The following DCC variants were observed in gnomAD, a reference collection of about 807,000 sequenced individuals.
DCC encodes DCC netrin 1 receptor.
Under a neutral mutation model 172.5 loss-of-function variants are expected in DCC, and 58 were observed. The observed-to-expected ratio is 0.34, with a 90% CI of 0.27 to 0.42. The LOEUF (loss-of-function observed/expected upper bound fraction) is 0.42. Among genes scored for constraint, DCC ranks in the 10% least tolerant of loss-of-function variants. DCC has a pLI of 1.00. For synonymous variants in DCC, 709 were observed against 644.5 expected (o/e 1.10, Z -1.52); for missense variants, 1,740 against 1,791.0 (o/e 0.97, Z 0.51).
intron 1 of DCC, among the ~76,000 whole-genome samples, chr18:52,504,299 A>G (rs1598871340): frequency 6.6e-6 from 1 of 152,272 alleles, no homozygotes; most frequent in South Asian, 2.1e-4. Flanking sequence ...GGAGGCCTTG[A>G]GTCTGGCAGT....
chr18:52,681,256 A>AT (rs1033523335), intron 1 of DCC, among the ~76,000 whole-genome samples: 25 of 151,884 alleles, frequency 1.6e-4, no homozygotes, highest in African/African-American at 4.4e-4. Context: ...CTCCAAAGCC[A>AT]TTTTTTTCTC....
At chr18:53,068,259 C>G (rs1220005815) in intron 7 of DCC, among the ~76,000 whole-genome samples, 1 of 151,734 alleles carries the variant, frequency 6.6e-6, no homozygotes, top group Non-Finnish European at 1.5e-5. Flanking sequence ...CACTTTTTTT[C>G]TTTTAATTTT....
intron 1 of DCC, among the ~76,000 whole-genome samples, chr18:52,601,198 A>G (rs756272865): frequency 1.5e-4 from 23 of 152,090 alleles, no homozygotes; most frequent in Non-Finnish European, 1.9e-4. Context: ...CTATAAATTC[A>G]GAGAGTTAAT....
intron 1 of DCC, among the ~76,000 whole-genome samples, chr18:52,740,215 C>A (rs2036797809): frequency 6.6e-6 from 1 of 152,180 alleles, no homozygotes; most frequent in Admixed American, 6.5e-5. Context: ...CCCCATGGAA[C>A]TTAAGTCACC....
chr18:52,989,326 C>T (rs2041345196), intron 5 of DCC, among the ~76,000 whole-genome samples: 1 of 152,050 alleles, frequency 6.6e-6, no homozygotes, highest in African/African-American at 2.4e-5. Context: ...AGTTCAAGAC[C>T]AGTCTGGTCA....
chr18:52,451,657 C>T (rs1298593357), intron 1 of DCC, among the ~76,000 whole-genome samples: 1 of 151,938 alleles, frequency 6.6e-6, no homozygotes, highest in Non-Finnish European at 1.5e-5. Flanking sequence ...AAAATACATC[C>T]TAAGAGAAGT....
At chr18:53,416,209 A>T (rs1910303017) in intron 21 of DCC, 53 bp downstream of exon 21, 3 of 1,267,476 alleles carry the variant, frequency 2.4e-6, no homozygotes, top group Non-Finnish European at 3.5e-6. Context: ...CCTGTCTGTT[A>T]GACATGTCAG....
intron 1 of DCC, among the ~76,000 whole-genome samples, chr18:52,680,738 C>T (rs2035734892): frequency 6.6e-6 from 1 of 151,848 alleles, no homozygotes; most frequent in Non-Finnish European, 1.5e-5. Context: ...GCCTTCCCTG[C>T]CTTCATAATA....
chr18:53,075,839 C>G (rs12966709), intron 7 of DCC, among the ~76,000 whole-genome samples: 2,711 of 152,066 alleles, frequency 0.018, 43 homozygotes, highest in Middle Eastern at 0.037. Flanking sequence ...GAACTGTAAC[C>G]CCCACCAGTG....
At chr18:52,797,788 T>C (rs1481489891) in intron 2 of DCC, among the ~76,000 whole-genome samples, 2 of 152,200 alleles carry the variant, frequency 1.3e-5, no homozygotes, top group South Asian at 2.1e-4. Context: ...CCCAGTGGTA[T>C]ATGTAGCTGC....
At chr18:52,482,449 A>T (rs59362270) in intron 1 of DCC, among the ~76,000 whole-genome samples, 9,333 of 152,216 alleles carry the variant, frequency 0.061, 353 homozygotes, top group East Asian at 0.084. Flanking sequence ...AACAACGAAC[A>T]TGTACTTCTC....
At chr18:52,692,881 T>C (rs1165136959) in intron 1 of DCC, among the ~76,000 whole-genome samples, 1 of 152,074 alleles carries the variant, frequency 6.6e-6, no homozygotes, top group East Asian at 1.9e-4. Context: ...TTATAAAAAA[T>C]GAGAGGCAAG....
At chr18:52,882,222 T>C (rs4939711) in intron 2 of DCC, among the ~76,000 whole-genome samples, 146,054 of 151,948 alleles carry the variant, frequency 0.96, 70,342 homozygotes, top group East Asian at 1. Context: ...AATATAAGAT[T>C]ATTTCATCTA....
At chr18:52,865,855 ACT>A (rs1568155235) in intron 2 of DCC, among the ~76,000 whole-genome samples, 1 of 152,070 alleles carries the variant, frequency 6.6e-6, no homozygotes, top group Non-Finnish European at 1.5e-5. Context: ...TACCCTGTTC[ACT>A]CTGATGAGAG....
At chr18:52,887,576 C>T (rs548441640) in intron 2 of DCC, among the ~76,000 whole-genome samples, 9 of 152,172 alleles carry the variant, frequency 5.9e-5, no homozygotes, top group East Asian at 5.8e-4. Flanking sequence ...TATTCATTAA[C>T]GAATGTTTTA....
chr18:52,517,706 G>T (rs918619702), intron 1 of DCC, among the ~76,000 whole-genome samples: 1 of 152,182 alleles, frequency 6.6e-6, no homozygotes, highest in African/African-American at 2.4e-5. Context: ...CCCAGATCAA[G>T]ATATAGAATG....
chr18:52,962,600 A>G (rs1316383341), intron 5 of DCC, among the ~76,000 whole-genome samples: 1 of 151,958 alleles, frequency 6.6e-6, no homozygotes, highest in East Asian at 1.9e-4. Flanking sequence ...CCATCCCATT[A>G]CTGGGTATAT....
At chr18:52,584,706 A>AT (rs200776292) in intron 1 of DCC, among the ~76,000 whole-genome samples, 9,080 of 144,962 alleles carry the variant, frequency 0.063, 276 homozygotes, top group Non-Finnish European at 0.071. Context: ...TGCCCAGATA[A>AT]TTTTTTTTTT....
intron 1 of DCC, among the ~76,000 whole-genome samples, chr18:52,486,239 A>G (rs2030216137): frequency 6.6e-6 from 1 of 152,128 alleles, no homozygotes; most frequent in Non-Finnish European, 1.5e-5. Context: ...AGCCAGATGA[A>G]GAGCATCCCA....
Sources: gnomAD v4.1 joint callset for allele counts (sites outside exome capture counted in the v4.1 genomes callset) on GRCh38, gnomAD v4.1.1 for gene constraint, MANE v1.5 for transcripts, NCBI Gene and HGNC (gene_info 2026-07-23, HGNC 2026-07-21) for gene names.